DYTN: variants seen among roughly 807,000 people sequenced by gnomAD.
DYTN encodes the protein dystrotelin.
Under a neutral mutation model 69.6 loss-of-function variants are expected in DYTN, and 75 were observed. The ratio of observed to expected loss-of-function variants is 1.08; its 90% CI spans 0.89 to 1.31. DYTN has a LOEUF of 1.31. Ranked by LOEUF, DYTN falls within the 50% of genes most tolerant of loss-of-function variation. DYTN has a pLI of 0.00. For missense variants in DYTN, 726 were observed against 688.4 expected (o/e 1.05, Z -0.61); for synonymous variants, 252 against 249.1 (o/e 1.01, Z -0.11).
intron 7 of DYTN, 127 bp downstream of exon 7, chr2:206,699,600 G>A: frequency 8.6e-7 from 1 of 1,169,098 alleles, no homozygotes; most frequent in East Asian, 2.7e-5. Context: ...GGAAATCATT[G>A]AGCCAAAAAA....
chr2:206,666,721 A>T (rs76734591), intron 9 of DYTN, among the ~76,000 whole-genome samples: 1,704 of 145,898 alleles, frequency 0.012, 40 homozygotes, highest in African/African-American at 0.04. Flanking sequence ...AGTTGGGTGC[A>T]CTCACTCATG....
At chr2:206,675,313 A>T (rs1209822135) in intron 9 of DYTN, among the ~76,000 whole-genome samples, 1 of 147,362 alleles carries the variant, frequency 6.8e-6, no homozygotes, top group African/African-American at 2.5e-5. Context: ...TTATATGTTG[A>T]TCTTTAAATA....
At chr2:206,685,731 T>G (rs926897279) in intron 9 of DYTN, among the ~76,000 whole-genome samples, 1 of 152,044 alleles carries the variant, frequency 6.6e-6, no homozygotes, top group Non-Finnish European at 1.5e-5. Flanking sequence ...ACGGGGCTCC[T>G]GCCATTCAGA....
At chr2:206,693,355 T>G (rs754675455) in intron 8 of DYTN, 32 bp from the exon 9 acceptor site, 1 of 1,603,864 alleles carries the variant, frequency 6.2e-7, no homozygotes, top group South Asian at 1.1e-5. Flanking sequence ...TTAAAAAGCG[T>G]CAGATCAGTC....
At chr2:206,702,054 A>T (rs1223007479) in intron 5 of DYTN, among the ~76,000 whole-genome samples, 1 of 152,240 alleles carries the variant, frequency 6.6e-6, no homozygotes, top group East Asian at 1.9e-4. Context: ...AGGAGTTTCC[A>T]TGAAGCTTTA....
intron 1 of DYTN, among the ~76,000 whole-genome samples, chr2:206,716,563 T>C (rs1700132499): frequency 6.6e-6 from 1 of 152,202 alleles, no homozygotes; most frequent in East Asian, 1.9e-4. Flanking sequence ...TTATTCATCA[T>C]TTCCTTAGGC....
At chr2:206,694,984 T>C (rs1424518804) in intron 7 of DYTN, 107 bp from the exon 8 acceptor site, 16 of 724,656 alleles carry the variant, frequency 2.2e-5, no homozygotes, top group East Asian at 1.9e-4. Flanking sequence ...ACAGAAGATG[T>C]CTGAGCTGCC....
intron 9 of DYTN, among the ~76,000 whole-genome samples, chr2:206,688,271 T>C (rs1399017443): frequency 1.3e-5 from 2 of 152,208 alleles, no homozygotes. Flanking sequence ...ATTAAACTCA[T>C]GGTCAACAGC....
intron 3 of DYTN, among the ~76,000 whole-genome samples, chr2:206,706,910 A>AAC: frequency 6.6e-6 from 1 of 152,030 alleles, no homozygotes; most frequent in East Asian, 1.9e-4. Flanking sequence ...TAAAAAAAAA[A>AAC]AAAAAACAAT....
At chr2:206,691,019 T>C (rs971266954) in intron 9 of DYTN, among the ~76,000 whole-genome samples, 3 of 152,160 alleles carry the variant, frequency 2.0e-5, no homozygotes, top group African/African-American at 4.8e-5. Flanking sequence ...AAGGAAGGCA[T>C]AAGGATTTGG....
chr2:206,704,713 T>C (rs1700007919), intron 5 of DYTN, 130 bp downstream of exon 5: 2 of 731,086 alleles, frequency 2.7e-6, no homozygotes, highest in Non-Finnish European at 4.6e-6. Context: ...CAGCAATGGC[T>C]ATGGAGGAGA....
chr2:206,655,852 T>C (rs1304254738), intron 11 of DYTN, among the ~76,000 whole-genome samples: 3 of 152,216 alleles, frequency 2.0e-5, no homozygotes, highest in Admixed American at 2.0e-4. Context: ...AAAAGATATT[T>C]GGCATGATTT....
At chr2:206,708,033 A>G (rs1460924851) in intron 2 of DYTN, among the ~76,000 whole-genome samples, 4 of 152,222 alleles carry the variant, frequency 2.6e-5, no homozygotes, top group African/African-American at 7.2e-5. Context: ...ACTCTTCTGT[A>G]AAGATCTTTA....
At chr2:206,710,390 G>T in intron 2 of DYTN, 134 bp downstream of exon 2, 2 of 778,074 alleles carry the variant, frequency 2.6e-6, no homozygotes, top group Non-Finnish European at 2.0e-6. Context: ...GTCACGAATG[G>T]GCTAAATGCA....
chr2:206,699,639 G>T (rs1699954744), intron 7 of DYTN, 88 bp downstream of exon 7: 7 of 1,447,518 alleles, frequency 4.8e-6, no homozygotes, highest in Non-Finnish European at 6.4e-6. Context: ...GTGTAAGGAG[G>T]ACCCCAAAAA....
intron 7 of DYTN, among the ~76,000 whole-genome samples, chr2:206,698,579 T>G (rs906268612): frequency 6.6e-6 from 1 of 152,206 alleles, no homozygotes; most frequent in African/African-American, 2.4e-5. Context: ...TCGTGAATAA[T>G]GGCTTCTTCC....
chr2:206,660,700 C>A (rs1699502771), intron 11 of DYTN, among the ~76,000 whole-genome samples: 1 of 152,196 alleles, frequency 6.6e-6, no homozygotes, highest in East Asian at 1.9e-4. Flanking sequence ...CAGTTCCCAT[C>A]CCTTGCCTTT....
At chr2:206,683,808 AGT>A (rs1004076665) in intron 9 of DYTN, among the ~76,000 whole-genome samples, 18 of 152,032 alleles carry the variant, frequency 1.2e-4, no homozygotes, top group African/African-American at 4.1e-4. Flanking sequence ...CTCAGTTTGC[AGT>A]GTCCTTTTCT....
chr2:206,652,578 A>G (rs990765062), intron 11 of DYTN, among the ~76,000 whole-genome samples: 2 of 152,240 alleles, frequency 1.3e-5, no homozygotes, highest in African/African-American at 4.8e-5. Context: ...GATACACACC[A>G]AAGTATTTTT....
Sources: gnomAD v4.1 joint callset for allele counts (sites outside exome capture counted in the v4.1 genomes callset) on GRCh38, gnomAD v4.1.1 for gene constraint, MANE v1.5 for transcripts, NCBI Gene and HGNC (gene_info 2026-07-23, HGNC 2026-07-21) for gene names.